The following C2orf42 variants were observed in gnomAD, a reference collection of about 807,000 sequenced individuals.
C2orf42 encodes chromosome 2 open reading frame 42.
Under a neutral mutation model 58.9 loss-of-function variants are expected in C2orf42, and 44 were observed. The observed-to-expected ratio is 0.75, with a 90% CI of 0.59 to 0.96. The LOEUF (loss-of-function observed/expected upper bound fraction) is 0.96. C2orf42 is among the 40% of genes least tolerant of loss of function. The probability of loss-of-function intolerance (pLI) is 0.00; values close to 1 mark genes in which losing one functional copy is unlikely to be tolerated. For missense variants in C2orf42, 630 were observed against 699.2 expected (o/e 0.90, Z 1.12); for synonymous variants, 239 against 265.4 (o/e 0.90, Z 0.97).
At chr2:70,173,448 ATACTTTTTAG>A (rs1380998214) in intron 5 of C2orf42, among the ~76,000 whole-genome samples, 1 of 150,936 alleles carries the variant, frequency 6.6e-6, no homozygotes, top group African/African-American at 2.4e-5. Context: ...TACATTTTTT[ATACTTTTTAG>A]TAGAGACAGG....
Position 70,181,295 on chromosome 2 carries a change from A to G in C2orf42, c.691T>C (p.Ser231Pro). ...RFFCSCQTLK[S>P]HKSNASKDET... ...TCCTTGGAGGCATTTGACTTGTGCG[A>G]TTTCAGAGTCTGACAGGAGCAGAAG... The change falls in exon 3 of 10, where the codon TCG becomes CCG. Residue 231 changes from serine (S) to proline (P), a missense_variant. Transcript: ENST00000264434. 2.5e-6 allele frequency: 4 copies of G among 1,613,982 alleles called. No individual in the cohort carries two copies. Among genetic ancestry groups the G allele is most frequent in the Non-Finnish European group, 3.4e-6 (4 of 1,179,910 alleles).
chr2:70,173,784 T>C (rs1043000439), intron 5 of C2orf42, among the ~76,000 whole-genome samples: 6 of 151,072 alleles, frequency 4.0e-5, no homozygotes, highest in Admixed American at 6.6e-5. Context: ...ACCCAGCTAA[T>C]TTTTTTTTGT....
At chr2:70,165,690 T>G (rs187051317) in intron 6 of C2orf42, 55 bp from the exon 7 acceptor site, 1 of 922,412 alleles carries the variant, frequency 1.1e-6, no homozygotes, top group East Asian at 2.4e-5. Context: ...GACTTTCTGA[T>G]GTACAGGGAG....
At chr2:70,185,541 T>C (rs1015244351) in intron 1 of C2orf42, among the ~76,000 whole-genome samples, 2 of 151,808 alleles carry the variant, frequency 1.3e-5, no homozygotes, top group Non-Finnish European at 2.9e-5. Flanking sequence ...TGAAAACCTG[T>C]GTCTACTAAA....
chr2:70,178,809 C>T (rs1674358819), intron 4 of C2orf42, among the ~76,000 whole-genome samples: 1 of 151,588 alleles, frequency 6.6e-6, no homozygotes, highest in Non-Finnish European at 1.5e-5. Flanking sequence ...CACCCTTAGT[C>T]CCAGCTACTC....
chr2:70,169,500 A>G, intron 6 of C2orf42, 57 bp downstream of exon 6: 4 of 886,044 alleles, frequency 4.5e-6, no homozygotes, highest in Non-Finnish European at 7.5e-6. Context: ...ATTACAGCAC[A>G]ATTACCTTAA....
intron 9 of C2orf42, among the ~76,000 whole-genome samples, chr2:70,153,437 C>A (rs1176075154): frequency 6.7e-6 from 1 of 149,214 alleles, no homozygotes; most frequent in Non-Finnish European, 1.5e-5. Context: ...CGGCTCACTG[C>A]AAGCTCTGCC....
At chr2:70,170,049 G>A (rs1314082493) in intron 5 of C2orf42, among the ~76,000 whole-genome samples, 1 of 151,660 alleles carries the variant, frequency 6.6e-6, no homozygotes, top group African/African-American at 2.4e-5. Flanking sequence ...GTGAGCCACC[G>A]CGCCCGGCCT....
At chr2:70,182,104 CT>C in intron 2 of C2orf42, 107 bp from the exon 3 acceptor site, 1 of 636,862 alleles carries the variant, frequency 1.6e-6, no homozygotes, top group Non-Finnish European at 2.7e-6. Flanking sequence ...AAGCTATCTA[CT>C]ATTTTTTTTT....
At chr2:70,187,835 C>CGT in intron 1 of C2orf42, among the ~76,000 whole-genome samples, 1 of 151,622 alleles carries the variant, frequency 6.6e-6, no homozygotes, top group East Asian at 2.0e-4. Context: ...AGACTACAGG[C>CGT]ACATGCCACC....
Position 70,181,144 on chromosome 2 carries a change from C to T in C2orf42, c.823+19G>A. On this transcript the variant is annotated intron_variant, in intron 3 of 9. Transcript: ENST00000264434. ...CAGTTTTAGAAAAACGTAATAACCA[C>T]ATCAACCATACCACCTACCGCTGGA... The T allele has an allele frequency of 6.9e-7, 1 of 1,446,152 alleles. No individual in the cohort carries two copies. Among genetic ancestry groups the T allele is most frequent in the Non-Finnish European group, 9.4e-7 (1 of 1,063,196 alleles). The allele number at this position is 1,446,152 out of a possible 1,614,324, so 89.6% of individuals were successfully genotyped here. A position where few individuals can be genotyped will look rare whatever the true frequency, so the allele number is the denominator to read the frequency against.
In C2orf42 at chr2:70,150,033, A is replaced by C; in HGVS notation, c.*323T>G. 2.8e-6 allele frequency: 1 copy of C among 354,636 alleles called. No individual in the cohort carries two copies. Among genetic ancestry groups the C allele is most frequent in the South Asian group, 2.6e-5 (1 of 37,832 alleles). The allele number at this position is 354,636 out of a possible 1,614,324, so 22.0% of individuals were successfully genotyped here. A position where few individuals can be genotyped will look rare whatever the true frequency, so the allele number is the denominator to read the frequency against. On this transcript the variant is annotated 3_prime_UTR_variant, in exon 10 of 10. Coordinates refer to ENST00000264434, the MANE Select transcript of C2orf42 (RefSeq NM_017880.3). ...TATGGCTGAGTGCTGCAGATTTCTCAGAGAATTAGCAAAAGGTTGAAATAA... is the reference window on the plus strand; with the variant it reads ...TATGGCTGAGTGCTGCAGATTTCTCCGAGAATTAGCAAAAGGTTGAAATAA...
chr2:70,185,202 A>C (rs74473580), intron 1 of C2orf42, among the ~76,000 whole-genome samples: 8,852 of 152,138 alleles, frequency 0.058, 328 homozygotes, highest in East Asian at 0.17. Flanking sequence ...GGAGTTCAAG[A>C]CTAGCCTGGC....
At chr2:70,185,583 T>C (rs961043845) in intron 1 of C2orf42, among the ~76,000 whole-genome samples, 1 of 151,024 alleles carries the variant, frequency 6.6e-6, no homozygotes, top group Admixed American at 6.6e-5. Flanking sequence ...TGATGGCACA[T>C]GTCTATAACC....
intron 1 of C2orf42, among the ~76,000 whole-genome samples, chr2:70,184,576 G>A (rs899439364): frequency 4.8e-5 from 7 of 144,792 alleles, no homozygotes; most frequent in Non-Finnish European, 7.4e-5. Flanking sequence ...GACCTCCCAA[G>A]GTCAAGCAAT....
intron 1 of C2orf42, chr2:70,190,272 G>A (rs547022541): frequency 6.6e-6 from 1 of 151,816 alleles, no homozygotes; most frequent in Admixed American, 6.5e-5. Context: ...TGTTGGAAGC[G>A]TTAACCCGCG....
At chr2:70,168,124 C>T (rs1673530258) in intron 6 of C2orf42, among the ~76,000 whole-genome samples, 1 of 151,446 alleles carries the variant, frequency 6.6e-6, no homozygotes, top group Admixed American at 6.6e-5. Flanking sequence ...ATCCCAGCTA[C>T]TTGGGAGGCT....
chr2:70,164,060 C>G (rs1265778971), intron 8 of C2orf42, among the ~76,000 whole-genome samples: 1 of 150,484 alleles, frequency 6.6e-6, no homozygotes, highest in Non-Finnish European at 1.5e-5. Flanking sequence ...GCCTGTAATC[C>G]CAGCACTTTG....
intron 5 of C2orf42, among the ~76,000 whole-genome samples, chr2:70,170,307 C>A (rs1673721819): frequency 6.6e-6 from 1 of 150,770 alleles, no homozygotes; most frequent in Non-Finnish European, 1.5e-5. Flanking sequence ...GGTGAAGTGG[C>A]ATGATCTCAG....
Sources: gnomAD v4.1 joint callset for allele counts (sites outside exome capture counted in the v4.1 genomes callset) on GRCh38, gnomAD v4.1.1 for gene constraint, MANE v1.5 for transcripts, NCBI Gene and HGNC (gene_info 2026-07-23, HGNC 2026-07-21) for gene names.